RRM2B: variants seen among roughly 807,000 people sequenced by gnomAD.
RRM2B encodes ribonucleoside-diphosphate reductase subunit M2 B.
Under a neutral mutation model 45.9 loss-of-function variants are expected in RRM2B, and 20 were observed. The ratio of observed to expected loss-of-function variants is 0.44; its 90% CI spans 0.31 to 0.63. The LOEUF is 0.63. Ranked by LOEUF, RRM2B falls within the 30% of genes least tolerant of loss-of-function variation. The pLI, the probability that RRM2B is intolerant of heterozygous loss-of-function variation, is 0.09. For missense variants in RRM2B, 320 were observed against 414.7 expected (o/e 0.77, Z 1.98); for synonymous variants, 124 against 132.3 (o/e 0.94, Z 0.43).
Position 102,238,864 on chromosome 8 carries a change from G to T in RRM2B, c.11C>A (p.Pro4Gln), listed in dbSNP as rs780362178. 1 of 1,612,458 alleles carries T rather than the reference G, an allele frequency of 6.2e-7. No homozygotes were observed. The highest frequency in any genetic ancestry group is 2.2e-5 in the East Asian group (1 of 44,862). Residue 4 changes from proline (P) to glutamine (Q), a missense_variant, in exon 1 of 9, where the codon CCG (proline) becomes CAG (glutamine). Pro to Gln is a moderately conservative substitution (Grantham distance 76, BLOSUM62 -1). Around this residue, in one of 3 missense-constraint regions of RRM2B, gnomAD observed 48 missense variants for 35.3 expected, o/e 1.36. Coordinates refer to ENST00000251810, the MANE Select transcript of RRM2B (RefSeq NM_015713.5). ...CAGCCCGGCCGCTTCCGGCCTTTCC[G>T]GGTCGCCCATCGCGCAGACTCCGCC... MGD[P>Q]ERPEAAGLDQ...
rs759181916 is a variant in RRM2B, at chr8:102,207,440, A to G, written c.*693T>C. 2 of 152,212 alleles carry G rather than the reference A, an allele frequency of 1.3e-5. No homozygotes were observed. Among genetic ancestry groups the G allele is most frequent in the Non-Finnish European group, 2.9e-5 (2 of 68,030 alleles). The allele number at this position is 152,212 out of a possible 1,614,324, so 9.4% of individuals were successfully genotyped here. On this transcript the variant is annotated 3_prime_UTR_variant, in exon 9 of 9. Transcript: ENST00000251810. ...ATGATAACCTCCTGGTTTCCACTCCATAAGTAGGCTTCCCAAAGCAACTAA... is the reference window on the plus strand; with the variant it reads ...ATGATAACCTCCTGGTTTCCACTCCGTAAGTAGGCTTCCCAAAGCAACTAA...
At chr8:102,230,036 C>G (rs1811001659) in intron 2 of RRM2B, among the ~76,000 whole-genome samples, 1 of 152,074 alleles carries the variant, frequency 6.6e-6, no homozygotes, top group Non-Finnish European at 1.5e-5. Context: ...CTAGCTTTTT[C>G]TTATTTGAGC....
chr8:102,213,575 T>G (rs1234596902), intron 7 of RRM2B, among the ~76,000 whole-genome samples: 2 of 152,182 alleles, frequency 1.3e-5, no homozygotes, highest in Non-Finnish European at 2.9e-5. Context: ...CGCATCTAGC[T>G]CTTTCTAGTA....
At chr8:102,216,903 G>C (rs910284684) in intron 6 of RRM2B, among the ~76,000 whole-genome samples, 2 of 151,970 alleles carry the variant, frequency 1.3e-5, no homozygotes, top group African/African-American at 4.8e-5. Flanking sequence ...GCTAGATGGG[G>C]CTGAAAATTG....
At chr8:102,234,288 T>G (rs1811081149) in intron 1 of RRM2B, among the ~76,000 whole-genome samples, 1 of 152,212 alleles carries the variant, frequency 6.6e-6, no homozygotes, top group African/African-American at 2.4e-5. Flanking sequence ...TGTTCTATCC[T>G]GATAACCTGT....
rs1245449896 is a variant in RRM2B at position 102,207,272 on chromosome 8, T to A, written c.*861A>T. ...GAATCCCCTTTTTCCCCCAAAAAAA[T>A]ATCTAGAGGAGCTAATAGCTCTTAG... On this transcript the variant is annotated 3_prime_UTR_variant, in exon 9 of 9. Transcript: ENST00000251810. The A allele has an allele frequency of 1.3e-5, 2 of 152,218 alleles. No individual in the cohort carries two copies. Among genetic ancestry groups the A allele is most frequent in the Non-Finnish European group, 2.9e-5 (2 of 68,026 alleles). 9.4% of individuals were successfully genotyped at this position (152,218 alleles called of 1,614,324 possible). A position where few individuals can be genotyped will look rare whatever the true frequency, so the allele number is the denominator to read the frequency against.
chr8:102,221,709 C>T (rs1810839738), intron 5 of RRM2B, among the ~76,000 whole-genome samples: 1 of 152,192 alleles, frequency 6.6e-6, no homozygotes, highest in South Asian at 2.1e-4. Context: ...CTGGAGTCCT[C>T]ATGTAGTTAC....
At chr8:102,237,147 C>A (rs1811135342) in intron 1 of RRM2B, among the ~76,000 whole-genome samples, 1 of 152,218 alleles carries the variant, frequency 6.6e-6, no homozygotes, top group South Asian at 2.1e-4. Flanking sequence ...GAGTCCTGGG[C>A]ATGCCATTTA....
chr8:102,219,953 A>G (rs767053013), intron 5 of RRM2B, among the ~76,000 whole-genome samples: 3 of 152,246 alleles, frequency 2.0e-5, no homozygotes, highest in Non-Finnish European at 4.4e-5. Context: ...AATCCATTCT[A>G]GGCCAAGTGC....
rs1250881056 is a variant in RRM2B, at chr8:102,231,868, CA to C, written c.204+280del. On this transcript the variant is annotated intron_variant, in intron 2 of 8. Transcript: ENST00000251810. ...TGGGTGACAGAGTGAGACTCTGTCT[CA>C]AAAAAAAAAAAAAAAAAGAAAAAGA... 0.037 allele frequency among the ~76,000 whole-genome samples: 2,309 copies of C among 61,686 alleles called. 25 individuals carry two copies. The highest frequency in any genetic ancestry group is 0.1 in the African/African-American group (1,941 of 19,392). 40.5% of individuals were successfully genotyped at this position (61,686 alleles called of 152,430 possible). A position where few individuals can be genotyped will look rare whatever the true frequency, so the allele number is the denominator to read the frequency against.
At chr8:102,227,254 G>T (rs1810949484) in intron 2 of RRM2B, among the ~76,000 whole-genome samples, 2 of 152,096 alleles carry the variant, frequency 1.3e-5, no homozygotes, top group African/African-American at 4.8e-5. Context: ...GGAATTAAGG[G>T]AGACGTACTT....
rs981299480 is a variant in RRM2B, at chr8:102,205,835, A to C, written c.*2298T>G. 6.6e-6 allele frequency: 1 copy of C among 152,166 alleles called. No individual in the cohort carries two copies. Among genetic ancestry groups the C allele is most frequent in the Non-Finnish European group, 1.5e-5 (1 of 67,990 alleles). 9.4% of individuals were successfully genotyped at this position (152,166 alleles called of 1,614,324 possible). A position where few individuals can be genotyped will look rare whatever the true frequency, so the allele number is the denominator to read the frequency against. On this transcript the variant is annotated 3_prime_UTR_variant, in exon 9 of 9. Transcript: ENST00000251810. ...AACCTGGAGGCCTGGAAAAAGAGAT[A>C]GAATACCAAATAACAAACCAGTGCA...
chr8:102,233,879 A>C (rs1811075247), intron 1 of RRM2B, among the ~76,000 whole-genome samples: 1 of 152,112 alleles, frequency 6.6e-6, no homozygotes, highest in South Asian at 2.1e-4. Flanking sequence ...AGATCAGAGT[A>C]GTGTGATCAT....
In RRM2B at chr8:102,207,193, T is replaced by G. The variant is rs910279596; in HGVS notation, c.*940A>C. The G allele has an allele frequency of 4.6e-5, 7 of 152,200 alleles. No individual in the cohort carries two copies. Among genetic ancestry groups the G allele is most frequent in the African/African-American group, 1.7e-4 (7 of 41,436 alleles). The allele number at this position is 152,200 out of a possible 1,614,324, so 9.4% of individuals were successfully genotyped here. A position where few individuals can be genotyped will look rare whatever the true frequency, so the allele number is the denominator to read the frequency against. ...TGCTCAGTCTTTGATGTACTGACTG[T>G]ACTTGCTAAAGAAGAATGAAGTGTT... On this transcript the variant is annotated 3_prime_UTR_variant, in exon 9 of 9. Coordinates refer to ENST00000251810, the MANE Select transcript of RRM2B (RefSeq NM_015713.5).
intron 6 of RRM2B, among the ~76,000 whole-genome samples, chr8:102,218,316 A>G (rs767577316): frequency 6.6e-6 from 1 of 152,210 alleles, no homozygotes; most frequent in Non-Finnish European, 1.5e-5. Context: ...CCGAGGAGAA[A>G]TGGTAAGAGA....
chr8:102,235,453 G>A (rs144560882), intron 1 of RRM2B, among the ~76,000 whole-genome samples: 97 of 152,238 alleles, frequency 6.4e-4, no homozygotes, highest in African/African-American at 2.1e-3. Context: ...GATGTTTAAC[G>A]GAAGTTTAAT....
chr8:102,235,250 A>T (rs534374567), intron 1 of RRM2B, among the ~76,000 whole-genome samples: 1 of 152,322 alleles, frequency 6.6e-6, no homozygotes, highest in Admixed American at 6.5e-5. Context: ...GATTTAAGTG[A>T]TATTCAGAAG....
rs1810564196 is a variant in RRM2B, at chr8:102,207,465, A to T, written c.*668T>A. ...ATAAGTAGGCTTCCCAAAGCAACTA[A>T]CAACTAAATTTTCTTCACTACATAC... On this transcript the variant is annotated 3_prime_UTR_variant, in exon 9 of 9. Transcript: ENST00000251810. The T allele has an allele frequency of 6.6e-6, 1 of 152,222 alleles. No individual in the cohort carries two copies. The highest frequency in any genetic ancestry group is 2.4e-5 in the African/African-American group (1 of 41,468). 9.4% of individuals were successfully genotyped at this position (152,222 alleles called of 1,614,324 possible).
chr8:102,231,311 G>C (rs1011552202), intron 2 of RRM2B, among the ~76,000 whole-genome samples: 1 of 152,204 alleles, frequency 6.6e-6, no homozygotes, highest in Non-Finnish European at 1.5e-5. Context: ...TGTCACGTTT[G>C]ATGTAGCTGA....
Sources: allele counts gnomAD v4.1 joint callset (sites outside exome capture counted in the v4.1 genomes callset), GRCh38; gene constraint gnomAD v4.1.1; regional missense constraint gnomAD v4.1.1; transcripts MANE v1.5; gene names NCBI Gene and HGNC (gene_info 2026-07-23, HGNC 2026-07-21).